The following CPLANE1 variants were observed in gnomAD, a reference collection of about 807,000 sequenced individuals.
CPLANE1 encodes the protein ciliogenesis and planar polarity effector complex subunit 1, also known as ciliogenesis and planar polarity effector 1.
Under a neutral mutation model 362.5 loss-of-function variants are expected in CPLANE1, and 263 were observed. That is an observed-to-expected ratio of 0.73 (90% CI 0.66 to 0.80). The LOEUF (loss-of-function observed/expected upper bound fraction) is 0.80, where lower values mean the gene tolerates loss of function less well. Ranked by LOEUF, CPLANE1 falls within the 30% of genes least tolerant of loss-of-function variation. CPLANE1 has a pLI of 0.00. For missense variants in CPLANE1, 3,461 were observed against 3,793.4 expected, an observed-to-expected ratio of 0.91 and a Z score of 2.30; for synonymous variants, 1,212 against 1,302.6, an observed-to-expected ratio of 0.93 and a Z score of 1.50.
chr5:37,226,329 T>A lies in CPLANE1; in HGVS notation c.2266A>T (p.Asn756Tyr). 6.5e-7 allele frequency: 1 copy of A among 1,536,248 alleles called. No individual in the cohort carries two copies. ...SFFKIHPQVVNPVQQPGHRLL... is the reference protein window; with the variant it reads ...SFFKIHPQVVYPVQQPGHRLL... The stretch of plus-strand genomic sequence containing the variant: ...CTGTGTCCTGGCTGTTGCACAGGAT[T>A]TACTACTTGAGGATGAATCTTGAAA... Residue 756 changes from asparagine (N) to tyrosine (Y), a missense_variant, in exon 12 of 53, where the codon AAT becomes TAT. Physicochemically the swap from Asn to Tyr is moderately radical, Grantham distance 143 (BLOSUM62 -2). This residue lies in a region of CPLANE1 where 3,380 missense variants were observed against 3,666.1 expected (regional missense o/e 0.92). Coordinates refer to ENST00000651892, the MANE Select transcript of CPLANE1 (RefSeq NM_001384732.1).
At chr5:37,167,868 T>C (rs1778723798) in intron 34 of CPLANE1, among the ~76,000 whole-genome samples, 1 of 152,162 alleles carries the variant, frequency 6.6e-6, no homozygotes, top group Admixed American at 6.5e-5. Flanking sequence ...AGGGAAGATG[T>C]AGAGGCACAA....
rs757722798 is a variant in CPLANE1 at position 37,183,425 on chromosome 5, C to G, written c.4756G>C (p.Glu1586Gln). 2 of 1,613,570 alleles carry G rather than the reference C, an allele frequency of 1.2e-6. No individual in the cohort carries two copies. The highest frequency in any genetic ancestry group is 3.3e-5 in the Admixed American group (2 of 59,946). ...FLTSFSGKLREHELNSLLFDV... is the reference protein window; with the variant it reads ...FLTSFSGKLRQHELNSLLFDV... ...AAAAGTAAAGAATTAAGTTCATGTT[C>G]TCTAAGCTTTCCAGAAAAACTAGTT... Residue 1586 changes from glutamate to glutamine, a missense_variant, in exon 26 of 53, where the codon GAA (glutamate) becomes CAA (glutamine). Physicochemically the swap from Glu to Gln is conservative, Grantham distance 29. Coordinates refer to ENST00000651892, the MANE Select transcript of CPLANE1 (RefSeq NM_001384732.1).
chr5:37,221,619 C>A, intron 14 of CPLANE1, 131 bp from the exon 15 acceptor site: 1 of 490,700 alleles, frequency 2.0e-6, no homozygotes, highest in Non-Finnish European at 3.3e-6. Context: ...GTAAACTTTT[C>A]TGCATCTGTT....
chr5:37,141,651 T>C, intron 44 of CPLANE1: 1 of 982,146 alleles, frequency 1.0e-6, no homozygotes, highest in Non-Finnish European at 1.2e-6. Context: ...GTAAAATCAT[T>C]TTAATTGACC....
chr5:37,168,790 C>T lies in CPLANE1; in HGVS notation c.7233+1G>A, dbSNP rs868565962. The T allele has an allele frequency of 6.2e-7, 1 of 1,608,768 alleles. No homozygotes were observed. Among genetic ancestry groups the T allele is most frequent in the African/African-American group, 1.3e-5 (1 of 74,676 alleles). On this transcript the variant is annotated splice_donor_variant, in intron 34 of 52. Coordinates refer to ENST00000651892, the MANE Select transcript of CPLANE1 (RefSeq NM_001384732.1). LOFTEE classifies it high-confidence loss of function. Reference sequence around the variant, plus strand: ...TGCATTACCATACAAAAATTCATTACCCTATTTTCTGGGGACAAATGTGAA... The same window carrying T: ...TGCATTACCATACAAAAATTCATTATCCTATTTTCTGGGGACAAATGTGAA...
chr5:37,082,214 C>G, the CPLANE1 span, among the ~76,000 whole-genome samples: 1 of 151,912 alleles, frequency 6.6e-6, no homozygotes, highest in Admixed American at 6.6e-5. Flanking sequence ...TTTTCAAATA[C>G]TGAAATAAAA....
Position 37,168,860 on chromosome 5 carries a change from T to C in CPLANE1, c.7164A>G (p.Gln2388=), listed in dbSNP as rs1191575329. The C allele has an allele frequency of 8.1e-6, 13 of 1,613,944 alleles. No homozygotes were observed. Among genetic ancestry groups the C allele is most frequent in the South Asian group, 5.5e-5 (5 of 91,076 alleles). The change falls in exon 34 of 53, where the codon CAA becomes CAG. Residue 2388 remains glutamine, a synonymous_variant. Transcript: ENST00000651892. Reference sequence around the variant, plus strand: ...GGTATTTTCTTTCTTCTGCTATAGGTTGGATAGGTGTTGAGGGAACTGTAA... The same window carrying C: ...GGTATTTTCTTTCTTCTGCTATAGGCTGGATAGGTGTTGAGGGAACTGTAA... ...ASITVPSTPI[Q]PIAEERKYPR... is the part of the protein sequence containing the mutation.
intron 16 of CPLANE1, chr5:37,212,495 C>CAA (rs113291300): frequency 5.0e-4 from 216 of 427,790 alleles, no homozygotes; most frequent in South Asian, 7.6e-4. Flanking sequence ...ATGTGTAATC[C>CAA]AAAAAAAAAA....
intron 44 of CPLANE1, chr5:37,140,504 T>C: frequency 1.0e-6 from 1 of 984,292 alleles, no homozygotes; most frequent in Non-Finnish European, 1.2e-6. Context: ...TTCTACCCCT[T>C]ATAGCTTTTT....
intron 15 of CPLANE1, among the ~76,000 whole-genome samples, chr5:37,219,429 G>A (rs1467105243): frequency 6.6e-6 from 1 of 151,948 alleles, no homozygotes; most frequent in Non-Finnish European, 1.5e-5. Flanking sequence ...TCAGGAGGCT[G>A]AGGCAGGAGA....
intron 46 of CPLANE1, among the ~76,000 whole-genome samples, chr5:37,136,835 G>A (rs1580058034): frequency 6.6e-6 from 1 of 152,252 alleles, no homozygotes. Context: ...CACAGCTAGA[G>A]AGGATAGGAT....
intron 42 of CPLANE1, among the ~76,000 whole-genome samples, chr5:37,149,973 A>G (rs988639948): frequency 1.3e-5 from 2 of 152,206 alleles, no homozygotes; most frequent in Admixed American, 6.5e-5. Flanking sequence ...TTAAATGCCC[A>G]CCATGTGTAG....
At chr5:37,148,144 G>A in intron 43 of CPLANE1, 37 bp downstream of exon 43, 2 of 1,501,208 alleles carry the variant, frequency 1.3e-6, no homozygotes, top group Non-Finnish European at 1.8e-6. Context: ...ATCAACTAAA[G>A]CAAGACTTCA....
In CPLANE1 at chr5:37,170,180, T is replaced by C. The variant is rs750761495; in HGVS notation, c.6323A>G (p.Asp2108Gly). 2 of 1,614,196 alleles carry C rather than the reference T, an allele frequency of 1.2e-6. No homozygotes were observed. The highest frequency in any genetic ancestry group is 1.7e-6 in the Non-Finnish European group (2 of 1,180,034). The change falls in exon 33 of 53, where the codon GAC (aspartate) becomes GGC (glycine). Residue 2108 changes from aspartate (D) to glycine (G), a missense_variant. Physicochemically the swap from Asp to Gly is moderately conservative, Grantham distance 94 (BLOSUM62 -1). Coordinates refer to ENST00000651892, the MANE Select transcript of CPLANE1 (RefSeq NM_001384732.1). ...TCTCTCCTTAAGATTTTTGTTGCTG[T>C]CTTCAACATCACCACATCCTCTTAG... ...SNLRGCGDVE[D>G]SNKNLKERFF...
chr5:37,232,639 C>T (rs1358065513), intron 8 of CPLANE1, among the ~76,000 whole-genome samples: 1 of 150,760 alleles, frequency 6.6e-6, no homozygotes, highest in Non-Finnish European at 1.5e-5. Flanking sequence ...GAGTTCAAGA[C>T]CAGCCAGGGC....
chr5:37,172,693 A>G (rs1208181962), intron 32 of CPLANE1, among the ~76,000 whole-genome samples: 1 of 152,236 alleles, frequency 6.6e-6, no homozygotes, highest in East Asian at 1.9e-4. Flanking sequence ...GTTCAAAGAG[A>G]AAATTAGTGC....
At chr5:37,145,379 C>A (rs1389890425) in intron 43 of CPLANE1, among the ~76,000 whole-genome samples, 2 of 152,042 alleles carry the variant, frequency 1.3e-5, no homozygotes, top group African/African-American at 4.8e-5. Flanking sequence ...GGTCTAAAGT[C>A]CTTCTATTGT....
At position 37,173,927 on chromosome 5, in the gene CPLANE1, T is replaced by C; in HGVS notation, c.5999A>G (p.Lys2000Arg). 3 of 1,614,082 alleles carry C rather than the reference T, an allele frequency of 1.9e-6. No homozygotes were observed. The highest frequency in any genetic ancestry group is 2.5e-6 in the Non-Finnish European group (3 of 1,180,002). ...EISSAQISTYKEKSSSVPLLI... is the reference protein window; with the variant it reads ...EISSAQISTYREKSSSVPLLI... ...AAGTGGAACTGAGGAAGATTTTTCT[T>C]TATATGTAGAAATCTGTGCACTGCG... The change falls in exon 32 of 53, where the codon AAA becomes AGA. Residue 2000 changes from lysine (K) to arginine (R), a missense_variant. Around this residue, in one of 2 missense-constraint regions of CPLANE1, gnomAD observed 3,380 missense variants for 3,666.1 expected, o/e 0.92. Coordinates refer to ENST00000651892, the MANE Select transcript of CPLANE1 (RefSeq NM_001384732.1).
chr5:37,227,386 C>T lies in CPLANE1; in HGVS notation c.1378G>A (p.Gly460Ser). ...AGTGATCGCAAGTTCAGTCCTTTGC[C>T]TTTTGGCTAAAGAAGAAAAGATGAA... ...YQSVILSKPK[G>S]KGLNLRSLNS... Residue 460 changes from glycine to serine, a missense_variant, in exon 11 of 53, where the codon GGC (glycine) becomes AGC (serine). Around this residue, in one of 2 missense-constraint regions of CPLANE1, gnomAD observed 3,380 missense variants for 3,666.1 expected, o/e 0.92. Transcript: ENST00000651892. 1 of 1,527,918 alleles carries T rather than the reference C, an allele frequency of 6.5e-7. No individual in the cohort carries two copies. Among genetic ancestry groups the T allele is most frequent in the Non-Finnish European group, 8.8e-7 (1 of 1,137,642 alleles). 94.6% of individuals were successfully genotyped at this position (1,527,918 alleles called of 1,614,324 possible). A position where few individuals can be genotyped will look rare whatever the true frequency, so the allele number is the denominator to read the frequency against.
Sources: gnomAD v4.1 joint callset for allele counts (sites outside exome capture counted in the v4.1 genomes callset) on GRCh38, gnomAD v4.1.1 for gene constraint, gnomAD v4.1.1 regional missense constraint, MANE v1.5 for transcripts, NCBI Gene and HGNC (gene_info 2026-07-23, HGNC 2026-07-21) for gene names.